Variants in GAS7 observed in about 807,000 individuals in gnomAD.
The protein encoded by GAS7 is growth arrest specific 7.
Under a neutral mutation model 71.1 loss-of-function variants are expected in GAS7, and 28 were observed. That is an observed-to-expected ratio of 0.39 (90% CI 0.29 to 0.54). GAS7 has a LOEUF of 0.54. Among genes scored for constraint, GAS7 ranks in the 20% least tolerant of loss-of-function variants. GAS7 has a pLI of 0.62. For synonymous variants in GAS7, 258 were observed against 245.8 expected (o/e 1.05, Z -0.46); for missense variants, 436 against 627.8 (o/e 0.69, Z 3.27).
At chr17:9,976,158 C>T (rs368197652) in intron 3 of GAS7, among the ~76,000 whole-genome samples, 2 of 152,258 alleles carry the variant, frequency 1.3e-5, no homozygotes, top group South Asian at 2.1e-4. Flanking sequence ...ATGTGAACTG[C>T]GTTCCCAAAG....
chr17:9,964,612 T>C (rs900566610), intron 4 of GAS7, among the ~76,000 whole-genome samples: 1 of 152,236 alleles, frequency 6.6e-6, no homozygotes, highest in African/African-American at 2.4e-5. Context: ...CCCTTGCTCA[T>C]CATTCCAGTC....
At position 10,103,740 on chromosome 17, in the gene GAS7, T is replaced by C. The variant is rs2073730292; in HGVS notation, c.184-83843A>G. 6.6e-6 allele frequency among the ~76,000 whole-genome samples: 1 copy of C among 151,542 alleles called. No homozygotes were observed. Among genetic ancestry groups the C allele is most frequent in the Non-Finnish European group, 1.5e-5 (1 of 67,926 alleles). On this transcript the variant is annotated intron_variant, in intron 1 of 13. Transcript: ENST00000432992. This position sits in a 1 kb window ranked among gnomAD's most constrained non-coding sequence, Gnocchi z 5.5. ...ACTAGGGAGGCTGAGGCAGGAGAAC[T>C]GCTTGAACCTGGGAGGCAGAGGTTG...
intron 1 of GAS7, among the ~76,000 whole-genome samples, chr17:10,114,952 CTCTGT>C (rs1292269093): frequency 2.6e-5 from 4 of 152,168 alleles, no homozygotes; most frequent in African/African-American, 9.7e-5. Flanking sequence ...CTCGCTCTGC[CTCTGT>C]GGCTGGCAGG....
intron 2 of GAS7, among the ~76,000 whole-genome samples, chr17:9,992,124 C>A (rs564224292): frequency 6.2e-4 from 95 of 152,230 alleles, no homozygotes; most frequent in Non-Finnish European, 1.1e-3. Flanking sequence ...CTAGTATAGT[C>A]CATAGCAGGA....
At chr17:10,167,385 A>G (rs2074303740) in intron 1 of GAS7, among the ~76,000 whole-genome samples, 1 of 152,104 alleles carries the variant, frequency 6.6e-6, no homozygotes, top group Admixed American at 6.5e-5. Flanking sequence ...TTAAAGTTAT[A>G]TCTGTAAACT....
At chr17:10,126,558 A>C (rs2073952309) in intron 1 of GAS7, among the ~76,000 whole-genome samples, 1 of 151,546 alleles carries the variant, frequency 6.6e-6, no homozygotes, top group African/African-American at 2.4e-5. Flanking sequence ...ACACACGCAG[A>C]CATGCACACA....
rs1175226822 is a variant in GAS7 at position 9,914,796 on chromosome 17, G to C, written c.*2432C>G. ...GGAATGCCCATCTTACATACAACTA[G>C]AGCGCCGCTTCTCAGCATGCCTGGC... is the stretch of plus-strand genomic sequence containing the variant. On this transcript the variant is annotated 3_prime_UTR_variant, in exon 14 of 14. Coordinates refer to ENST00000432992, the MANE Select transcript of GAS7 (RefSeq NM_201433.2). 2 of 229,162 alleles carry C rather than the reference G, an allele frequency of 8.7e-6. No homozygotes were observed. Among genetic ancestry groups the C allele is most frequent in the Non-Finnish European group, 1.7e-5 (2 of 115,610 alleles). The allele number at this position is 229,162 out of a possible 1,614,324, so 14.2% of individuals were successfully genotyped here.
intron 9 of GAS7, among the ~76,000 whole-genome samples, chr17:9,927,546 T>C (rs1335172069): frequency 6.6e-6 from 1 of 152,050 alleles, no homozygotes; most frequent in Admixed American, 6.6e-5. Flanking sequence ...ACTTATTTTA[T>C]CCCACAGCTT....
chr17:9,984,883 T>C (rs566258487), intron 2 of GAS7, among the ~76,000 whole-genome samples: 15 of 152,252 alleles, frequency 9.9e-5, no homozygotes, highest in African/African-American at 3.1e-4. Context: ...AGATGCACCA[T>C]CCAGCCTCAG....
intron 7 of GAS7, among the ~76,000 whole-genome samples, chr17:9,941,835 C>T (rs574914114): frequency 6.6e-6 from 1 of 152,234 alleles, no homozygotes; most frequent in South Asian, 2.1e-4. Context: ...AAAATAGGCC[C>T]TCTGTCTATG....
At position 10,055,781 on chromosome 17, in the gene GAS7, C is replaced by T. The variant is rs181215521; in HGVS notation, c.184-35884G>A. 2.7e-3 allele frequency among the ~76,000 whole-genome samples: 406 copies of T among 152,320 alleles called. 5 individuals carry two copies. The highest frequency in any genetic ancestry group is 3.2e-3 in the Non-Finnish European group (217 of 68,034). On this transcript the variant is annotated intron_variant, in intron 1 of 13. Transcript: ENST00000432992. ...ATGCTTGCCCTTGCCACACATAACG[C>T]GCTCTGATATTTTTCCGCTCTGGTT...
intron 1 of GAS7, among the ~76,000 whole-genome samples, chr17:10,063,622 G>A (rs1193693044): frequency 1.3e-5 from 2 of 152,144 alleles, no homozygotes; most frequent in Non-Finnish European, 2.9e-5. Context: ...TGGCGGTGCC[G>A]AGATCAGGGT....
At chr17:10,040,146 C>A (rs2072835669) in intron 1 of GAS7, among the ~76,000 whole-genome samples, 1 of 152,158 alleles carries the variant, frequency 6.6e-6, no homozygotes, top group South Asian at 2.1e-4. Flanking sequence ...AAGGAAAATT[C>A]TATGATCGCC....
At chr17:9,970,167 C>T (rs180987217) in intron 3 of GAS7, among the ~76,000 whole-genome samples, 13 of 152,284 alleles carry the variant, frequency 8.5e-5, no homozygotes, top group Admixed American at 7.8e-4. Context: ...CCAACAATTT[C>T]CCTCAGCTTT....
At chr17:10,140,233 G>A (rs757402117) in intron 1 of GAS7, among the ~76,000 whole-genome samples, 1 of 152,152 alleles carries the variant, frequency 6.6e-6, no homozygotes, top group Non-Finnish European at 1.5e-5. Context: ...AGGTCAAGGC[G>A]GGAGGACTGC....
At chr17:9,927,066 G>A in intron 9 of GAS7, 1 of 339,462 alleles carries the variant, frequency 2.9e-6, no homozygotes, top group Non-Finnish European at 5.4e-6. Flanking sequence ...AGCTTCTGCA[G>A]CTTTTAAATT....
chr17:10,169,882 T>C (rs1441147077), intron 1 of GAS7, among the ~76,000 whole-genome samples: 1 of 152,190 alleles, frequency 6.6e-6, no homozygotes, highest in African/African-American at 2.4e-5. Flanking sequence ...AACTTAACTC[T>C]TGATTTCCTC....
chr17:9,955,051 G>A (rs529361487), intron 5 of GAS7, among the ~76,000 whole-genome samples: 1 of 152,238 alleles, frequency 6.6e-6, no homozygotes, highest in East Asian at 1.9e-4. Flanking sequence ...TTCACTATAA[G>A]TGGCAGAGCA....
At chr17:10,085,700 AAAAAAAAAAG>A (rs1349392522) in intron 1 of GAS7, among the ~76,000 whole-genome samples, 1 of 149,936 alleles carries the variant, frequency 6.7e-6, no homozygotes, top group Non-Finnish European at 1.5e-5. Flanking sequence ...TCAAAAAAAA[AAAAAAAAAAG>A]AAAGAAAGAA....
Sources: gnomAD v4.1 joint callset for allele counts (sites outside exome capture counted in the v4.1 genomes callset) on GRCh38, gnomAD v4.1.1 for gene constraint, Gnocchi (gnomAD v3.1) non-coding constraint, MANE v1.5 for transcripts, NCBI Gene and HGNC (gene_info 2026-07-23, HGNC 2026-07-21) for gene names.